Variants in PLXNB2 observed in about 807,000 individuals in gnomAD.
PLXNB2 encodes plexin B2, also known as plexin-B2.
PLXNB2 carries 85 observed loss-of-function variants against 202.6 expected under a neutral mutation model. The observed-to-expected ratio is 0.42, with a 90% confidence interval of 0.35 to 0.50. The LOEUF (loss-of-function observed/expected upper bound fraction) is 0.50. Among genes scored for constraint, PLXNB2 ranks in the 20% least tolerant of loss-of-function variants. PLXNB2 has a pLI of 0.02. For missense variants in PLXNB2, 2,063 were observed against 2,586.2 expected (o/e 0.80, Z 4.39); for synonymous variants, 1,239 against 1,137.6 (o/e 1.09, Z -1.79).
In PLXNB2 at chr22:50,280,543, A is replaced by G; in HGVS notation, c.4121T>C (p.Leu1374Pro). ...CACCACGTACTGCTCCAGGAGCTCCAGGAAGAGCGTGTGCATGATGTCCGT... is the reference window on the plus strand; with the variant it reads ...CACCACGTACTGCTCCAGGAGCTCCGGGAAGAGCGTGTGCATGATGTCCGT... Reference protein sequence around the residue: ...YYTDIMHTLFLELLEQYVVAK... With the variant: ...YYTDIMHTLFPELLEQYVVAK... Residue 1374 changes from leucine (L) to proline (P), a missense_variant, in exon 25 of 37, where the codon CTG becomes CCG. Coordinates refer to ENST00000359337, the MANE Select transcript of PLXNB2 (RefSeq NM_012401.4). The G allele has an allele frequency of 6.2e-7, 1 of 1,611,970 alleles. No individual in the cohort carries two copies. Among genetic ancestry groups the G allele is most frequent in the Non-Finnish European group, 8.5e-7 (1 of 1,179,824 alleles).
Position 50,289,421 on chromosome 22 carries a change from C to G in PLXNB2, c.1068+96G>C, listed in dbSNP as rs1207534772. ...CAGGCTGGCGAGAGCCACGGCCACA[C>G]TGCTCACGTGCACCCTCCCCAGCAG... On this transcript the variant is annotated intron_variant, in intron 3 of 36. Transcript: ENST00000359337. This position sits in a 1 kb window ranked among gnomAD's most constrained non-coding sequence, Gnocchi z 8.0. The G allele has an allele frequency of 9.1e-6, 13 of 1,425,136 alleles. No homozygotes were observed. Among genetic ancestry groups the G allele is most frequent in the Non-Finnish European group, 7.4e-6 (8 of 1,075,880 alleles). 88.3% of individuals were successfully genotyped at this position (1,425,136 alleles called of 1,614,324 possible).
In PLXNB2 at chr22:50,289,265, C is replaced by G; in HGVS notation, c.1069-123G>C. 5.0e-6 allele frequency: 5 copies of G among 1,005,268 alleles called. No individual in the cohort carries two copies. The highest frequency in any genetic ancestry group is 5.7e-6 in the Non-Finnish European group (4 of 706,022). The allele number at this position is 1,005,268 out of a possible 1,614,324, so 62.3% of individuals were successfully genotyped here. A position where few individuals can be genotyped will look rare whatever the true frequency, so the allele number is the denominator to read the frequency against. Reference sequence around the variant, plus strand: ...CCGGCACACGTCCTACACACGTCCCCGAGAACAGAACCCACATGGCAGGGA... The same window carrying G: ...CCGGCACACGTCCTACACACGTCCCGGAGAACAGAACCCACATGGCAGGGA... On this transcript the variant is annotated intron_variant, in intron 3 of 36. Coordinates refer to ENST00000359337, the MANE Select transcript of PLXNB2 (RefSeq NM_012401.4). The surrounding 1 kb of genome is among the most constrained non-coding windows in gnomAD (Gnocchi z 8.0).
In PLXNB2 at chr22:50,288,841, C is replaced by CTT; in HGVS notation, c.1281_1282insAA (p.Glu428LysfsTer10). 6.2e-7 allele frequency: 1 copy of CTT among 1,613,424 alleles called. No homozygotes were observed. Among genetic ancestry groups the CTT allele is most frequent in the Non-Finnish European group, 8.5e-7 (1 of 1,179,978 alleles). ...ATCTCCACAAGGATAGAGTCGTACTCTGAGGAGGTGCCATCTGGGGTGAGG... is the reference window on the plus strand; with the variant it reads ...ATCTCCACAAGGATAGAGTCGTACTCTTTGAGGAGGTGCCATCTGGGGTGAGG... On this transcript the variant is annotated frameshift_variant, in exon 5 of 37. Transcript: ENST00000359337. LOFTEE classifies it high-confidence loss of function. The surrounding 1 kb of genome is among the most constrained non-coding windows in gnomAD (Gnocchi z 5.0).
chr22:50,278,228 C>T lies in PLXNB2; in HGVS notation c.4776G>A (p.Val1592=), dbSNP rs1254529554. The T allele has an allele frequency of 6.2e-7, 1 of 1,610,444 alleles. No homozygotes were observed. Among genetic ancestry groups the T allele is most frequent in the Non-Finnish European group, 8.5e-7 (1 of 1,179,924 alleles). ...CCTCGTCCACCTCGTCGGTCGGCCG[C>T]ACCAGGTGCCACACCCGGTTCTCCT... The part of the protein sequence containing the change: ...LEEENRVWHL[V]RPTDEVDEGK... The change falls in exon 31 of 37, where the codon GTG becomes GTA. Residue 1592 remains valine, a synonymous_variant. Transcript: ENST00000359337.
At chr22:50,287,375 G>A in intron 7 of PLXNB2, 111 bp from the exon 8 acceptor site, 6 of 1,227,004 alleles carry the variant, frequency 4.9e-6, no homozygotes, top group South Asian at 1.6e-5. Context: ...GGAGCCTCCA[G>A]AACCCGACTC....
At position 50,287,797 on chromosome 22, in the gene PLXNB2, C is replaced by T. The variant is rs760768614; in HGVS notation, c.1482-4G>A. 23 of 1,595,118 alleles carry T rather than the reference C, an allele frequency of 1.4e-5. No homozygotes were observed. The highest frequency in any genetic ancestry group is 4.2e-6 in the Non-Finnish European group (5 of 1,177,378). On this transcript the variant is annotated splice_region_variant and splice_polypyrimidine_tract_variant and intron_variant, in intron 6 of 36. Coordinates refer to ENST00000359337, the MANE Select transcript of PLXNB2 (RefSeq NM_012401.4). ...ACACTCGGCCTTCCGGGTGCATCTG[C>T]AGGCGCAGGGGGCGGCCTCAGCCCA...
chr22:50,285,943 G>C (rs772598839), intron 10 of PLXNB2, 42 bp from the exon 11 acceptor site: 7 of 1,605,512 alleles, frequency 4.4e-6, no homozygotes, highest in Non-Finnish European at 3.4e-6. Context: ...GGGCACAGCG[G>C]AGCAGCCATG....
chr22:50,289,663 C>G lies in PLXNB2; in HGVS notation c.922G>C (p.Gly308Arg). 1.2e-6 allele frequency: 2 copies of G among 1,609,754 alleles called. No individual in the cohort carries two copies. Among genetic ancestry groups the G allele is most frequent in the South Asian group, 1.1e-5 (1 of 91,084 alleles). The change falls in exon 3 of 37, where the codon GGT (glycine) becomes CGT (arginine). Residue 308 changes from glycine to arginine, a missense_variant. Around this residue, in one of 2 missense-constraint regions of PLXNB2, gnomAD observed 1,303 missense variants for 1,476.8 expected, o/e 0.88. Coordinates refer to ENST00000359337, the MANE Select transcript of PLXNB2 (RefSeq NM_012401.4). The surrounding 1 kb of genome is among the most constrained non-coding windows in gnomAD (Gnocchi z 8.0). ...AGCGGGAACAGGCAGAGGCCCGCAC[C>G]GGGCCCCCCACTGCTCCGGCTGTCT... Reference protein sequence around the residue: ...SRDSRSSGGPGAGLCLFPLDK... With the variant: ...SRDSRSSGGPRAGLCLFPLDK...
chr22:50,295,276 G>A (rs994902061), intron 1 of PLXNB2, among the ~76,000 whole-genome samples: 7 of 140,980 alleles, frequency 5.0e-5, no homozygotes, highest in African/African-American at 1.3e-4. Flanking sequence ...AGCGGAGATC[G>A]CACCACTACA....
chr22:50,275,483 A>AGCTGGG lies in PLXNB2; in HGVS notation c.*215_*220dup, dbSNP rs765072227. On this transcript the variant is annotated 3_prime_UTR_variant, in exon 37 of 37. Coordinates refer to ENST00000359337, the MANE Select transcript of PLXNB2 (RefSeq NM_012401.4). The stretch of plus-strand genomic sequence containing the variant: ...CGATGCTGGTTCTGCGGCCGGAGGG[A>AGCTGGG]GCTGGGGCTGGGGCTGGTGCTGGTG... The AGCTGGG allele has an allele frequency of 7.7e-5, 51 of 665,066 alleles. No individual in the cohort carries two copies. Among genetic ancestry groups the AGCTGGG allele is most frequent in the Admixed American group, 1.4e-4 (7 of 48,384 alleles). The allele number at this position is 665,066 out of a possible 1,614,324, so 41.2% of individuals were successfully genotyped here.
rs866362520 is a variant in PLXNB2, at chr22:50,284,757, G to C, written c.2089-92C>G. ...CTGCAGCCCCTCCTCTGTGCCTACA[G>C]TGTGGGAGCCCTCTCCTCACCCCAC... On this transcript the variant is annotated intron_variant, in intron 11 of 36. Transcript: ENST00000359337. The surrounding 1 kb of genome is among the most constrained non-coding windows in gnomAD (Gnocchi z 8.0). 1 of 960,282 alleles carries C rather than the reference G, an allele frequency of 1.0e-6. No individual in the cohort carries two copies. Among genetic ancestry groups the C allele is most frequent in the Non-Finnish European group, 1.7e-6 (1 of 587,506 alleles). 59.5% of individuals were successfully genotyped at this position (960,282 alleles called of 1,614,324 possible).
At position 50,281,388 on chromosome 22, in the gene PLXNB2, C is replaced by G. The variant is rs763081231; in HGVS notation, c.3634G>C (p.Val1212Leu). The G allele has an allele frequency of 1.1e-5, 17 of 1,612,286 alleles. No homozygotes were observed. Among genetic ancestry groups the G allele is most frequent in the Non-Finnish European group, 1.4e-5 (17 of 1,179,762 alleles). The change falls in exon 22 of 37, where the codon GTC (valine) becomes CTC (leucine). Residue 1212 changes from valine (V) to leucine (L), a missense_variant. This residue lies in a region of PLXNB2 where 760 missense variants were observed against 1,109.4 expected (regional missense o/e 0.69). Transcript: ENST00000359337. ...LPLVIVPMVV[V>L]IAVSVYCYWR... is the part of the protein sequence containing the mutation. ...TAGCAGTAGACAGACACCGCGATGA[C>G]GACCACCATGGGCACGATGACCAGC...
intron 1 of PLXNB2, among the ~76,000 whole-genome samples, chr22:50,304,826 C>T (rs991051253): frequency 1.3e-4 from 20 of 151,992 alleles, no homozygotes; most frequent in African/African-American, 4.6e-4. Context: ...GAACCTGGAT[C>T]TGCCTCAGAG....
Position 50,286,164 on chromosome 22 carries a change from G to A in PLXNB2, c.1877+9C>T, listed in dbSNP as rs117199604. ...GGCAGGGTGGGGTCGATGGGCACAA[G>A]ACACTCACGGCAGGTTCTCCTCCAG... is the stretch of plus-strand genomic sequence containing the variant. On this transcript the variant is annotated intron_variant, in intron 9 of 36. Transcript: ENST00000359337. The A allele has an allele frequency of 0.024, 38,007 of 1,611,138 alleles. 553 individuals carry two copies. The highest frequency in any genetic ancestry group is 0.032 in the Middle Eastern group (194 of 6,056).
intron 2 of PLXNB2, among the ~76,000 whole-genome samples, chr22:50,293,377 A>C (rs552039999): frequency 2.6e-5 from 4 of 152,182 alleles, no homozygotes; most frequent in Admixed American, 6.5e-5. Flanking sequence ...CCCCTCCCCT[A>C]CCCACAGCCA....
At position 50,291,683 on chromosome 22, in the gene PLXNB2, C is replaced by T. The variant is rs2066879051; in HGVS notation, c.-13-1086G>A. Among the ~76,000 whole-genome samples the T allele has an allele frequency of 6.6e-6, 1 of 152,116 alleles. No homozygotes were observed. Among genetic ancestry groups the T allele is most frequent in the African/African-American group, 2.4e-5 (1 of 41,422 alleles). ...AGCTCTTCCTCAGGGTGGTCCGTCC[C>T]TCTCACGCTAGGGACCCTGCTCCAT... On this transcript the variant is annotated intron_variant, in intron 2 of 36. Coordinates refer to ENST00000359337, the MANE Select transcript of PLXNB2 (RefSeq NM_012401.4). This position sits in a 1 kb window ranked among gnomAD's most constrained non-coding sequence, Gnocchi z 4.3.
Position 50,283,987 on chromosome 22 carries a change from G to C in PLXNB2, c.2267C>G (p.Thr756Ser). The C allele has an allele frequency of 6.5e-7, 1 of 1,540,286 alleles. No homozygotes were observed. Among genetic ancestry groups the C allele is most frequent in the Non-Finnish European group, 8.7e-7 (1 of 1,146,776 alleles). ...GKNIDSKLHV[T>S]LYNCSFGRSD... is the part of the protein sequence containing the mutation. ...GCGGCCAAAGGAGCAGTTGTAGAGG[G>C]TCACTGCGGGGAGAGCTGCCGTCAG... The change falls in exon 14 of 37, where the codon ACC becomes AGC. Residue 756 changes from threonine to serine, a missense_variant. This residue lies in a region of PLXNB2 where 1,303 missense variants were observed against 1,476.8 expected (regional missense o/e 0.88). Transcript: ENST00000359337.
intron 1 of PLXNB2, among the ~76,000 whole-genome samples, chr22:50,302,055 G>A (rs2067719178): frequency 6.6e-6 from 1 of 152,260 alleles, no homozygotes; most frequent in South Asian, 2.1e-4. Context: ...GGGCAGTGGG[G>A]CTCTCAGAAC....
At chr22:50,300,222 G>T (rs911449394) in intron 1 of PLXNB2, 61 of 960,356 alleles carry the variant, frequency 6.4e-5, no homozygotes, top group Non-Finnish European at 7.6e-5. Flanking sequence ...TAACAATGAC[G>T]GCGGCGGCGA....
Sources: gnomAD v4.1 joint callset for allele counts (sites outside exome capture counted in the v4.1 genomes callset) on GRCh38, gnomAD v4.1.1 for gene constraint, gnomAD v4.1.1 regional missense constraint, Gnocchi (gnomAD v3.1) non-coding constraint, MANE v1.5 for transcripts, NCBI Gene and HGNC (gene_info 2026-07-23, HGNC 2026-07-21) for gene names.